Variants in COP1 observed in about 807,000 individuals in gnomAD.
COP1 encodes E3 ubiquitin-protein ligase COP1.
In COP1, 24 loss-of-function variants were observed where a neutral mutation model predicts 101.3. That is an observed-to-expected ratio of 0.24 (90% CI 0.17 to 0.33). The LOEUF is 0.33. Ranked by LOEUF, COP1 falls within the 10% of genes least tolerant of loss-of-function variation. The probability of loss-of-function intolerance (pLI) is 1.00; values close to 1 mark genes in which losing one functional copy is unlikely to be tolerated. For synonymous variants in COP1, 347 were observed against 341.9 expected, an observed-to-expected ratio of 1.01 and a Z score of -0.17; for missense variants, 663 against 906.2, an observed-to-expected ratio of 0.73 and a Z score of 3.45.
intron 16 of COP1, chr1:175,988,939 A>T (rs544773872): frequency 2.0e-4 from 31 of 158,256 alleles, no homozygotes; most frequent in African/African-American, 7.2e-4. Context: ...AACCAAAAAT[A>T]ATTCTACTAC....
At chr1:176,181,303 A>C (rs1178726341) in intron 2 of COP1, among the ~76,000 whole-genome samples, 1 of 152,100 alleles carries the variant, frequency 6.6e-6, no homozygotes, top group Non-Finnish European at 1.5e-5. Context: ...AATCCAGCTT[A>C]CCAGCCAGAA....
At chr1:175,986,837 A>C in intron 18 of COP1, 106 bp downstream of exon 18, 1 of 864,578 alleles carries the variant, frequency 1.2e-6, no homozygotes, top group East Asian at 2.8e-5. Context: ...TTTTTTAAAA[A>C]GTACATACCA....
At chr1:176,172,221 T>G (rs1443438009) in intron 3 of COP1, among the ~76,000 whole-genome samples, 1 of 152,160 alleles carries the variant, frequency 6.6e-6, no homozygotes, top group African/African-American at 2.4e-5. Context: ...GGCTAATTTT[T>G]TATAGAGACA....
intron 15 of COP1, among the ~76,000 whole-genome samples, chr1:176,006,313 C>G (rs1044335841): frequency 9.2e-5 from 14 of 152,140 alleles, no homozygotes; most frequent in African/African-American, 3.4e-4. Flanking sequence ...ATTTGCCAGT[C>G]TGTGTCTTTT....
At chr1:176,047,262 T>C (rs897751209) in intron 11 of COP1, among the ~76,000 whole-genome samples, 6 of 152,224 alleles carry the variant, frequency 3.9e-5, no homozygotes, top group African/African-American at 1.4e-4. Context: ...CTAATATTCA[T>C]TAATCATTCA....
intron 9 of COP1, among the ~76,000 whole-genome samples, chr1:176,104,249 A>G (rs1288091299): frequency 6.6e-6 from 1 of 152,174 alleles, no homozygotes; most frequent in Non-Finnish European, 1.5e-5. Flanking sequence ...ATTTTAAGAA[A>G]CAAGGGGTTT....
chr1:176,196,446 C>T (rs1699706987), intron 1 of COP1, among the ~76,000 whole-genome samples: 1 of 151,972 alleles, frequency 6.6e-6, no homozygotes, highest in Non-Finnish European at 1.5e-5. Context: ...AAATCCAAGA[C>T]ATTAAAAGAA....
chr1:176,104,132 C>T (rs1683906123), intron 9 of COP1, among the ~76,000 whole-genome samples: 1 of 152,036 alleles, frequency 6.6e-6, no homozygotes, highest in Non-Finnish European at 1.5e-5. Context: ...GGGCACATAG[C>T]TAGTCATTTG....
chr1:175,991,997 T>A (rs1658616151), intron 15 of COP1, among the ~76,000 whole-genome samples: 1 of 152,200 alleles, frequency 6.6e-6, no homozygotes, highest in South Asian at 2.1e-4. Flanking sequence ...AAGTAAATAA[T>A]AAACAAGTAT....
chr1:176,064,008 G>T (rs573895400), intron 11 of COP1, among the ~76,000 whole-genome samples: 16 of 152,274 alleles, frequency 1.1e-4, no homozygotes, highest in African/African-American at 3.6e-4. Flanking sequence ...AAATATGACA[G>T]AAGTTTAATC....
chr1:176,196,171 C>G (rs1252054949), intron 1 of COP1, among the ~76,000 whole-genome samples: 1 of 151,692 alleles, frequency 6.6e-6, no homozygotes, highest in Non-Finnish European at 1.5e-5. Context: ...AAAAGAGGGC[C>G]AAAAATCAAT....
intron 3 of COP1, among the ~76,000 whole-genome samples, chr1:176,173,857 G>A (rs987433919): frequency 6.6e-6 from 1 of 151,046 alleles, no homozygotes; most frequent in African/African-American, 2.4e-5. Flanking sequence ...GTACAGTGGC[G>A]CACGTCTGTG....
In COP1 at chr1:175,983,163, G is replaced by A. The variant is rs569991571; in HGVS notation, c.2133+3780C>T. Reference sequence around the variant, plus strand: ...TAAATACTTACAATTATTATTTGTCGAAAAGAAAAGAAACTGATGGCTTAA... The same window carrying A: ...TAAATACTTACAATTATTATTTGTCAAAAAGAAAAGAAACTGATGGCTTAA... On this transcript the variant is annotated intron_variant, in intron 18 of 19. Transcript: ENST00000367669. Among the ~76,000 whole-genome samples the A allele has an allele frequency of 1.6e-4, 25 of 151,992 alleles. No homozygotes were observed. In the South Asian group the frequency reaches 1.7e-3, roughly 10 times the overall value.
intron 1 of COP1, among the ~76,000 whole-genome samples, chr1:176,191,925 G>C (rs1699154472): frequency 6.6e-6 from 1 of 152,050 alleles, no homozygotes; most frequent in Non-Finnish European, 1.5e-5. Context: ...AATCATTTTA[G>C]ACTGTAATTT....
intron 1 of COP1, among the ~76,000 whole-genome samples, chr1:176,204,735 C>T (rs1179542696): frequency 6.6e-6 from 1 of 152,120 alleles, no homozygotes; most frequent in Non-Finnish European, 1.5e-5. Context: ...ACCTGCCTGG[C>T]CAACATGGTG....
intron 15 of COP1, among the ~76,000 whole-genome samples, chr1:175,998,681 T>C (rs530263955): frequency 1.3e-5 from 2 of 152,084 alleles, no homozygotes; most frequent in African/African-American, 4.8e-5. Flanking sequence ...TAGTTCATAA[T>C]GTACAATAGT....
chr1:176,008,637 C>G (rs1405517249), intron 15 of COP1, among the ~76,000 whole-genome samples: 1 of 151,808 alleles, frequency 6.6e-6, no homozygotes, highest in Non-Finnish European at 1.5e-5. Flanking sequence ...TTGTGTATAC[C>G]TTTTTTTACT....
rs1170649462 is a variant in COP1, at chr1:176,007,247, A to T, written c.1730-17768T>A. On this transcript the variant is annotated intron_variant, in intron 15 of 19. Coordinates refer to ENST00000367669, the MANE Select transcript of COP1 (RefSeq NM_022457.7). ...GGTTATTCTAGTTATACATTCTTCT[A>T]AATTTTTTTCAATGTTTTCAACTTC... Among the ~76,000 whole-genome samples the T allele has an allele frequency of 2.0e-5, 3 of 152,038 alleles. No individual in the cohort carries two copies. In the East Asian group the frequency reaches 5.8e-4, roughly 29 times the overall value.
At chr1:176,020,088 A>C (rs1666483696) in intron 15 of COP1, among the ~76,000 whole-genome samples, 1 of 151,768 alleles carries the variant, frequency 6.6e-6, no homozygotes. Context: ...CACTTTGGGC[A>C]GATCACAAGG....
Sources: allele counts gnomAD v4.1 joint callset (sites outside exome capture counted in the v4.1 genomes callset), GRCh38; gene constraint gnomAD v4.1.1; transcripts MANE v1.5; gene names NCBI Gene and HGNC (gene_info 2026-07-23, HGNC 2026-07-21).